The following ITM2B variants were observed in gnomAD, a reference collection of about 807,000 sequenced individuals.
ITM2B encodes integral membrane protein 2B, also known as ABri/ADan amyloid peptide.
Under a neutral mutation model 27.8 loss-of-function variants are expected in ITM2B, and 11 were observed. The observed-to-expected ratio is 0.40, with a 90% CI of 0.25 to 0.66. ITM2B has a LOEUF of 0.66. ITM2B is among the 30% of genes least tolerant of loss of function. ITM2B has a pLI of 0.43. For synonymous variants in ITM2B, 114 were observed against 114.3 expected, an observed-to-expected ratio of 1.00 and a Z score of 0.02; for missense variants, 296 against 328.9, an observed-to-expected ratio of 0.90 and a Z score of 0.77.
intron 1 of ITM2B, among the ~76,000 whole-genome samples, chr13:48,248,382 T>C (rs1566160940): frequency 6.6e-6 from 1 of 152,116 alleles, no homozygotes; most frequent in Non-Finnish European, 1.5e-5. Flanking sequence ...GCAGTCCTCC[T>C]GCCTCTGCCT....
chr13:48,261,980 C>A lies in ITM2B; in HGVS notation c.*756C>A, dbSNP rs938899347. ...GAAACTATTTTTTAAAAATTCACTT[C>A]TATATATACAATGAGTAAAATCACA... On this transcript the variant is annotated 3_prime_UTR_variant, in exon 6 of 6. Coordinates refer to ENST00000647800, the MANE Select transcript of ITM2B (RefSeq NM_021999.5). 6.6e-6 allele frequency: 1 copy of A among 152,348 alleles called. No individual in the cohort carries two copies. Among genetic ancestry groups the A allele is most frequent in the Non-Finnish European group, 1.5e-5 (1 of 67,974 alleles). 9.4% of individuals were successfully genotyped at this position (152,348 alleles called of 1,614,324 possible). A position where few individuals can be genotyped will look rare whatever the true frequency, so the allele number is the denominator to read the frequency against.
At chr13:48,253,966 A>AT (rs201823693) in intron 2 of ITM2B, 30 bp downstream of exon 2, 209,968 of 1,407,700 alleles carry the variant, frequency 0.15, 1,150 homozygotes, top group African/African-American at 0.16. Flanking sequence ...TGTGTCTCTG[A>AT]TTTTTTTTTT....
At chr13:48,235,663 G>A (rs1385006755) in intron 1 of ITM2B, among the ~76,000 whole-genome samples, 2 of 152,142 alleles carry the variant, frequency 1.3e-5, no homozygotes, top group African/African-American at 4.8e-5. Context: ...GGCTCCTTGC[G>A]GGTGGCTCTG....
chr13:48,266,890 C>T lies in ITM2B; in HGVS notation c.*5666C>T, dbSNP rs1951856267. 1 of 152,118 alleles carries T rather than the reference C, an allele frequency of 6.6e-6. No individual in the cohort carries two copies. Among genetic ancestry groups the T allele is most frequent in the Admixed American group, 6.5e-5 (1 of 15,270 alleles). 9.4% of individuals were successfully genotyped at this position (152,118 alleles called of 1,614,324 possible). A position where few individuals can be genotyped will look rare whatever the true frequency, so the allele number is the denominator to read the frequency against. On this transcript the variant is annotated 3_prime_UTR_variant, in exon 6 of 6. Coordinates refer to ENST00000647800, the MANE Select transcript of ITM2B (RefSeq NM_021999.5). ...ATTATGTCTTCTTCCATAATGCCAC[C>T]TTCTTCTAGGATAGTATTTTTGGGC...
At position 48,269,676 on chromosome 13, in the gene ITM2B, A is replaced by T. The variant is rs1342177092; in HGVS notation, c.*8452A>T. On this transcript the variant is annotated 3_prime_UTR_variant, in exon 6 of 6. Coordinates refer to ENST00000647800, the MANE Select transcript of ITM2B (RefSeq NM_021999.5). ...AGGAATTCCACACCCTCCTTCCCTC[A>T]CATGTATCCCAAGGCTCACTGCCTT... 6.6e-6 allele frequency: 1 copy of T among 152,206 alleles called. No individual in the cohort carries two copies. Among genetic ancestry groups the T allele is most frequent in the African/African-American group, 2.4e-5 (1 of 41,372 alleles). The allele number at this position is 152,206 out of a possible 1,614,324, so 9.4% of individuals were successfully genotyped here. A position where few individuals can be genotyped will look rare whatever the true frequency, so the allele number is the denominator to read the frequency against.
At chr13:48,255,262 CGTGT>C (rs1372792460) in intron 2 of ITM2B, among the ~76,000 whole-genome samples, 2 of 150,670 alleles carry the variant, frequency 1.3e-5, no homozygotes, top group African/African-American at 4.9e-5. Flanking sequence ...TGTGCGCGCG[CGTGT>C]GCGTGCGCGC....
chr13:48,252,155 T>TC (rs1195919074), intron 1 of ITM2B, among the ~76,000 whole-genome samples: 1 of 152,244 alleles, frequency 6.6e-6, no homozygotes, highest in African/African-American at 2.4e-5. Flanking sequence ...ACACACTGTA[T>TC]CGTATCACAT....
intron 1 of ITM2B, among the ~76,000 whole-genome samples, chr13:48,233,757 C>A (rs961067667): frequency 6.6e-6 from 1 of 152,154 alleles, no homozygotes; most frequent in Non-Finnish European, 1.5e-5. Context: ...TTTGTGCAGT[C>A]CGGGGAGCGT....
At chr13:48,245,964 G>C (rs1158571364) in intron 1 of ITM2B, among the ~76,000 whole-genome samples, 2 of 151,870 alleles carry the variant, frequency 1.3e-5, no homozygotes, top group East Asian at 3.9e-4. Flanking sequence ...ATTTTTAGTA[G>C]AGATGGGTTT....
Position 48,266,740 on chromosome 13 carries a change from T to C in ITM2B, c.*5516T>C, listed in dbSNP as rs1457784841. 4 of 152,188 alleles carry C rather than the reference T, an allele frequency of 2.6e-5. No homozygotes were observed. The highest frequency in any genetic ancestry group is 2.0e-4 in the Admixed American group (3 of 15,278). The allele number at this position is 152,188 out of a possible 1,614,324, so 9.4% of individuals were successfully genotyped here. On this transcript the variant is annotated 3_prime_UTR_variant, in exon 6 of 6. Coordinates refer to ENST00000647800, the MANE Select transcript of ITM2B (RefSeq NM_021999.5). The stretch of plus-strand genomic sequence containing the variant: ...TAGTAAGGGTTATACTTTGAGGCTA[T>C]TTCATCTTGATGGGCTTGTTGTTCA...
chr13:48,268,054 A>T lies in ITM2B; in HGVS notation c.*6830A>T, dbSNP rs914738986. 4 of 152,204 alleles carry T rather than the reference A, an allele frequency of 2.6e-5. No homozygotes were observed. The highest frequency in any genetic ancestry group is 5.9e-5 in the Non-Finnish European group (4 of 68,044). 9.4% of individuals were successfully genotyped at this position (152,204 alleles called of 1,614,324 possible). ...ATACCATTGTGCTCCTTTCCGGCAA[A>T]TATTCCTTCCCTCTGCTAAAACTAC... On this transcript the variant is annotated 3_prime_UTR_variant, in exon 6 of 6. Transcript: ENST00000647800.
chr13:48,248,234 T>G (rs931546141), intron 1 of ITM2B, among the ~76,000 whole-genome samples: 3 of 152,062 alleles, frequency 2.0e-5, no homozygotes, highest in Non-Finnish European at 2.9e-5. Flanking sequence ...GTGCCTTTTT[T>G]GGGGGGGTCA....
intron 1 of ITM2B, among the ~76,000 whole-genome samples, chr13:48,235,013 C>CATATAT (rs58490404): frequency 0.19 from 27,918 of 149,808 alleles, 2,701 homozygotes; most frequent in Non-Finnish European, 0.23. Context: ...AATGCTATCA[C>CATATAT]ATATATATAT....
rs73485077 is a variant in ITM2B, at chr13:48,269,609, G to A, written c.*8385G>A. 6,021 of 152,346 alleles carry A rather than the reference G, an allele frequency of 0.04. 321 individuals are homozygous for A. Among genetic ancestry groups the A allele is most frequent in the African/African-American group, 0.12 (4,800 of 41,466 alleles). 9.4% of individuals were successfully genotyped at this position (152,346 alleles called of 1,614,324 possible). A position where few individuals can be genotyped will look rare whatever the true frequency, so the allele number is the denominator to read the frequency against. ...TCACTTTCCTTTGAACGTACCAAGGGCAATCCTGCTTCAGAGCCTTTGCAC... is the reference window on the plus strand; with the variant it reads ...TCACTTTCCTTTGAACGTACCAAGGACAATCCTGCTTCAGAGCCTTTGCAC... On this transcript the variant is annotated 3_prime_UTR_variant, in exon 6 of 6. Coordinates refer to ENST00000647800, the MANE Select transcript of ITM2B (RefSeq NM_021999.5).
Position 48,233,391 on chromosome 13 carries a change from G to T in ITM2B, c.31G>T (p.Ala11Ser), listed in dbSNP as rs866736004. MVKVTFNSAL[A>S]QKEAKKDEPK... ...GAAGGTGACGTTCAACTCCGCTCTG[G>T]CCCAGAAGGAGGCCAAGAAGGACGA... is the stretch of plus-strand genomic sequence containing the variant. Residue 11 changes from alanine (A) to serine (S), a missense_variant, in exon 1 of 6, where the codon GCC (alanine) becomes TCC (serine). Transcript: ENST00000647800. 1.3e-6 allele frequency: 2 copies of T among 1,566,210 alleles called. No homozygotes were observed. The highest frequency in any genetic ancestry group is 1.2e-5 in the South Asian group (1 of 84,956).
At chr13:48,254,374 T>C (rs1951773350) in intron 2 of ITM2B, among the ~76,000 whole-genome samples, 4 of 152,232 alleles carry the variant, frequency 2.6e-5, no homozygotes, top group Non-Finnish European at 5.9e-5. Flanking sequence ...AGTAAGACCA[T>C]GTCTCTGCTT....
chr13:48,268,806 G>T lies in ITM2B; in HGVS notation c.*7582G>T, dbSNP rs1170184178. The T allele has an allele frequency of 6.6e-6, 1 of 152,092 alleles. No homozygotes were observed. The highest frequency in any genetic ancestry group is 2.4e-5 in the African/African-American group (1 of 41,398). The allele number at this position is 152,092 out of a possible 1,614,324, so 9.4% of individuals were successfully genotyped here. ...ATCTTTATTGTAAACATATCTTTTT[G>T]AGGGTAGATTGGTAAAATATACATA... is the stretch of plus-strand genomic sequence containing the variant. On this transcript the variant is annotated 3_prime_UTR_variant, in exon 6 of 6. Coordinates refer to ENST00000647800, the MANE Select transcript of ITM2B (RefSeq NM_021999.5).
At chr13:48,252,509 C>G (rs75221079) in intron 1 of ITM2B, among the ~76,000 whole-genome samples, 1 of 152,124 alleles carries the variant, frequency 6.6e-6, no homozygotes, top group Non-Finnish European at 1.5e-5. Flanking sequence ...GAATCTAATG[C>G]CTGGTGATCT....
chr13:48,233,646 G>GT (rs1951650125), intron 1 of ITM2B, among the ~76,000 whole-genome samples, 169 bp downstream of exon 1: 1 of 152,148 alleles, frequency 6.6e-6, no homozygotes, highest in African/African-American at 2.4e-5. Context: ...CAGCTCCTTT[G>GT]TAAGGAAGTG....
Sources: allele counts gnomAD v4.1 joint callset (sites outside exome capture counted in the v4.1 genomes callset), GRCh38; gene constraint gnomAD v4.1.1; transcripts MANE v1.5; gene names NCBI Gene and HGNC (gene_info 2026-07-23, HGNC 2026-07-21).